BRIP1: variants seen among roughly 807,000 people sequenced by gnomAD.
The protein encoded by BRIP1 is BRCA1 interacting DNA helicase 1.
Under a neutral mutation model 119.7 loss-of-function variants are expected in BRIP1, and 88 were observed. The observed-to-expected ratio is 0.74, with a 90% CI of 0.62 to 0.88. The LOEUF (loss-of-function observed/expected upper bound fraction) is 0.88. Among genes scored for constraint, BRIP1 ranks in the 40% least tolerant of loss-of-function variants. The pLI, the probability that BRIP1 is intolerant of heterozygous loss-of-function variation, is 0.00. For missense variants in BRIP1, 1,259 were observed against 1,455.4 expected (o/e 0.87, Z 2.20); for synonymous variants, 443 against 496.5 (o/e 0.89, Z 1.43).
chr17:61,787,052 A>G (rs1365720112), intron 10 of BRIP1, among the ~76,000 whole-genome samples: 1 of 116,286 alleles, frequency 8.6e-6, no homozygotes, highest in Non-Finnish European at 1.6e-5. Context: ...AAATTTATAT[A>G]AATTTATAAA....
chr17:61,740,369 G>A lies in BRIP1; in HGVS notation c.2379+2644C>T, dbSNP rs115457155. Among the ~76,000 whole-genome samples, 329 of 152,272 alleles carry A rather than the reference G, an allele frequency of 2.2e-3. 3 individuals are homozygous for A. The highest frequency in any genetic ancestry group is 7.7e-3 in the African/African-American group (318 of 41,548). ...AGTTTCTGATTTGGCAGGTCTGGAT[G>A]AGCCTGAAAGTCTTTATTTCTATTA... On this transcript the variant is annotated intron_variant, in intron 16 of 19. Coordinates refer to ENST00000259008, the MANE Select transcript of BRIP1 (RefSeq NM_032043.3). This position sits in a 1 kb window ranked among gnomAD's most constrained non-coding sequence, Gnocchi z 5.4.
chr17:61,854,466 T>G (rs1259908671), intron 4 of BRIP1, among the ~76,000 whole-genome samples: 1 of 152,040 alleles, frequency 6.6e-6, no homozygotes, highest in African/African-American at 2.4e-5. Flanking sequence ...TAACACTTTG[T>G]GAGGCACAGA....
rs2077464786 is a variant in BRIP1, at chr17:61,772,207, A to G, written c.2097+4194T>C. Among the ~76,000 whole-genome samples the G allele has an allele frequency of 4.7e-5, 5 of 106,352 alleles. No homozygotes were observed. In the South Asian group the frequency reaches 1.7e-3, roughly 36 times the overall value. 69.8% of individuals were successfully genotyped at this position (106,352 alleles called of 152,430 possible). ...TATATATATATATATATATATATATATAAAATGAAATATTATTCTGCCATA... is the reference window on the plus strand; with the variant it reads ...TATATATATATATATATATATATATGTAAAATGAAATATTATTCTGCCATA... On this transcript the variant is annotated intron_variant, in intron 14 of 19. Transcript: ENST00000259008.
At chr17:61,821,502 T>G (rs1291561281) in intron 6 of BRIP1, among the ~76,000 whole-genome samples, 3 of 149,820 alleles carry the variant, frequency 2.0e-5, no homozygotes, top group Non-Finnish European at 4.5e-5. Flanking sequence ...TCTCTTTTTT[T>G]TTCTTGTATT....
rs2145236178 is a variant in BRIP1 at position 61,793,507 on chromosome 17, G to T, written c.1473+90C>A. Reference sequence around the variant, plus strand: ...TAAATTGCTATATTTAACAATTCTGGGTTACTCACTAGATTTAATCTGGAT... The same window carrying T: ...TAAATTGCTATATTTAACAATTCTGTGTTACTCACTAGATTTAATCTGGAT... On this transcript the variant is annotated intron_variant, in intron 10 of 19. Transcript: ENST00000259008. The surrounding 1 kb of genome is among the most constrained non-coding windows in gnomAD (Gnocchi z 5.2). 1 of 1,235,994 alleles carries T rather than the reference G, an allele frequency of 8.1e-7. No individual in the cohort carries two copies. Among genetic ancestry groups the T allele is most frequent in the Non-Finnish European group, 1.1e-6 (1 of 880,422 alleles). 76.6% of individuals were successfully genotyped at this position (1,235,994 alleles called of 1,614,324 possible). A position where few individuals can be genotyped will look rare whatever the true frequency, so the allele number is the denominator to read the frequency against.
rs1436927322 is a variant in BRIP1 at position 61,689,969 on chromosome 17, G to A, written c.2575+3461C>T. 6.6e-6 allele frequency among the ~76,000 whole-genome samples: 1 copy of A among 152,186 alleles called. No individual in the cohort carries two copies. Among genetic ancestry groups the A allele is most frequent in the East Asian group, 1.9e-4 (1 of 5,194 alleles). ...TGCAGTGAGTCATGATCATGCCACT[G>A]GACTCCTGCCTGGGTGGCAGAGTAA... On this transcript the variant is annotated intron_variant, in intron 18 of 19. Transcript: ENST00000259008. The surrounding 1 kb of genome is among the most constrained non-coding windows in gnomAD (Gnocchi z 4.5).
intron 6 of BRIP1, among the ~76,000 whole-genome samples, chr17:61,819,927 A>C (rs925318267): frequency 3.9e-5 from 6 of 152,130 alleles, no homozygotes; most frequent in African/African-American, 1.4e-4. Flanking sequence ...CAGGTGATGG[A>C]TACCTCATTT....
chr17:61,766,661 G>C (rs1176173132), intron 14 of BRIP1, among the ~76,000 whole-genome samples: 1 of 152,128 alleles, frequency 6.6e-6, no homozygotes, highest in Non-Finnish European at 1.5e-5. Context: ...ACTACAGCTA[G>C]AGAGTGAACA....
chr17:61,809,256 A>G lies in BRIP1; in HGVS notation c.628-499T>C, dbSNP rs1006704295. Among the ~76,000 whole-genome samples, 42 of 152,198 alleles carry G rather than the reference A, an allele frequency of 2.8e-4. No homozygotes were observed. The highest frequency in any genetic ancestry group is 1.0e-3 in the African/African-American group (42 of 41,470). ...AGAATTATCAAGTTGAATCTAAAGGATCACTTAACAACTTCAAAAAGAGAA... is the reference window on the plus strand; with the variant it reads ...AGAATTATCAAGTTGAATCTAAAGGGTCACTTAACAACTTCAAAAAGAGAA... On this transcript the variant is annotated intron_variant, in intron 6 of 19. Transcript: ENST00000259008. The surrounding 1 kb of genome is among the most constrained non-coding windows in gnomAD (Gnocchi z 5.2).
chr17:61,839,139 A>G (rs1383933031), intron 6 of BRIP1, among the ~76,000 whole-genome samples: 1 of 151,916 alleles, frequency 6.6e-6, no homozygotes, highest in Admixed American at 6.6e-5. Context: ...TCATATCCCC[A>G]TTATTTTTTC....
chr17:61,860,603 T>C lies in BRIP1; in HGVS notation c.94-696A>G, dbSNP rs1415195772. Among the ~76,000 whole-genome samples the C allele has an allele frequency of 6.6e-6, 1 of 152,136 alleles. No homozygotes were observed. Among genetic ancestry groups the C allele is most frequent in the East Asian group, 1.9e-4 (1 of 5,200 alleles). On this transcript the variant is annotated intron_variant, in intron 2 of 19. Coordinates refer to ENST00000259008, the MANE Select transcript of BRIP1 (RefSeq NM_032043.3). The surrounding 1 kb of genome is among the most constrained non-coding windows in gnomAD (Gnocchi z 4.1). ...TCAGCCTGGGAGGCAGGGGTTGCAG[T>C]GAGCCAAGATCGCGCCACTGCACTC...
At position 61,817,635 on chromosome 17, in the gene BRIP1, G is replaced by A. The variant is rs549496614; in HGVS notation, c.628-8878C>T. Among the ~76,000 whole-genome samples the A allele has an allele frequency of 1.6e-3, 243 of 152,272 alleles. 1 individual carries two copies. Among genetic ancestry groups the A allele is most frequent in the Non-Finnish European group, 2.3e-3 (158 of 68,016 alleles). ...CTATTCAATATATTTGGCATTAGCC[G>A]CATGGGCACTTGAAATGTAATTAGT... On this transcript the variant is annotated intron_variant, in intron 6 of 19. Coordinates refer to ENST00000259008, the MANE Select transcript of BRIP1 (RefSeq NM_032043.3).
At chr17:61,813,132 AC>A (rs2078187942) in intron 6 of BRIP1, among the ~76,000 whole-genome samples, 1 of 152,108 alleles carries the variant, frequency 6.6e-6, no homozygotes, top group African/African-American at 2.4e-5. Context: ...AAAGGAGACT[AC>A]AAATTGAATT....
Position 61,716,016 on chromosome 17 carries a change from A to G in BRIP1, c.2427T>C (p.Gly809=), listed in dbSNP as rs754927538. The change falls in exon 17 of 20, where the codon GGT becomes GGC. Residue 809 remains glycine, a synonymous_variant. Transcript: ENST00000259008. ...CATACCACTGACGGCCAGGTAGAAG[A>G]CCTCTCAATTTTGAATGGTGGTCAT... ...QYNDHHSKLR[G]LLPGRQWYEI... is the part of the protein sequence containing the mutation. 4 of 1,607,886 alleles carry G rather than the reference A, an allele frequency of 2.5e-6. No homozygotes were observed. The highest frequency in any genetic ancestry group is 2.2e-5 in the South Asian group (2 of 89,630).
chr17:61,799,394 C>A lies in BRIP1; in HGVS notation c.1141-95G>T. ...TCATTTTAAAATTCACACTATAGGC[C>A]AATATTGCAAATGCAATTACATAAG... On this transcript the variant is annotated intron_variant, in intron 8 of 19. Coordinates refer to ENST00000259008, the MANE Select transcript of BRIP1 (RefSeq NM_032043.3). This position sits in a 1 kb window ranked among gnomAD's most constrained non-coding sequence, Gnocchi z 5.1. 2.1e-6 allele frequency: 2 copies of A among 941,316 alleles called. No individual in the cohort carries two copies. Among genetic ancestry groups the A allele is most frequent in the Non-Finnish European group, 3.2e-6 (2 of 622,436 alleles). The allele number at this position is 941,316 out of a possible 1,614,324, so 58.3% of individuals were successfully genotyped here. A position where few individuals can be genotyped will look rare whatever the true frequency, so the allele number is the denominator to read the frequency against.
intron 11 of BRIP1, among the ~76,000 whole-genome samples, chr17:61,781,756 A>C (rs1040626609): frequency 3.3e-5 from 5 of 151,686 alleles, no homozygotes; most frequent in African/African-American, 1.2e-4. Context: ...CCCCGTCTCT[A>C]CTAAAAATAC....
chr17:61,736,065 C>T lies in BRIP1; in HGVS notation c.2379+6948G>A, dbSNP rs1203866208. Among the ~76,000 whole-genome samples the T allele has an allele frequency of 6.6e-6, 1 of 152,012 alleles. No individual in the cohort carries two copies. Among genetic ancestry groups the T allele is most frequent in the Non-Finnish European group, 1.5e-5 (1 of 68,002 alleles). On this transcript the variant is annotated intron_variant, in intron 16 of 19. Coordinates refer to ENST00000259008, the MANE Select transcript of BRIP1 (RefSeq NM_032043.3). The surrounding 1 kb of genome is among the most constrained non-coding windows in gnomAD (Gnocchi z 4.4). ...TACAGGCTGGGCATGATGGCTCACA[C>T]CTATAATCCCAGCACTTTGGGAGGC...
Position 61,720,400 on chromosome 17 carries a change from AAAAAT to A in BRIP1, c.2380-4342_2380-4338del, listed in dbSNP as rs945155481. Reference sequence around the variant, plus strand: ...ATGTACAATAATTATCTGTCAACTAAAAAATAAAATAAAGAGTAAACTTCTTGGAA... The same window carrying A: ...ATGTACAATAATTATCTGTCAACTAAAAAATAAAGAGTAAACTTCTTGGAA... On this transcript the variant is annotated intron_variant, in intron 16 of 19. Transcript: ENST00000259008. This position sits in a 1 kb window ranked among gnomAD's most constrained non-coding sequence, Gnocchi z 4.3. Among the ~76,000 whole-genome samples, 5 of 152,202 alleles carry A rather than the reference AAAAAT, an allele frequency of 3.3e-5. No individual in the cohort carries two copies. Among genetic ancestry groups the A allele is most frequent in the Non-Finnish European group, 5.9e-5 (4 of 68,036 alleles).
rs2145341704 is a variant in BRIP1, at chr17:61,801,447, C to T, written c.946G>A (p.Val316Ile). The change falls in exon 8 of 20, where the codon GTT becomes ATT. Residue 316 changes from valine (V) to isoleucine (I), a missense_variant. Transcript: ENST00000259008. ...GTGTGCTGATCACTAATTTTATGAA[C>T]TCCATGATAAAAATAGCAGGATTTT... ...NGKSCYFYHGVHKISDQHTLQ... is the reference protein window; with the variant it reads ...NGKSCYFYHGIHKISDQHTLQ... 6.2e-7 allele frequency: 1 copy of T among 1,613,148 alleles called. No individual in the cohort carries two copies. The highest frequency in any genetic ancestry group is 8.5e-7 in the Non-Finnish European group (1 of 1,179,252).
Sources: allele counts gnomAD v4.1 joint callset (sites outside exome capture counted in the v4.1 genomes callset), GRCh38; gene constraint gnomAD v4.1.1; non-coding constraint Gnocchi (gnomAD v3.1); transcripts MANE v1.5; gene names NCBI Gene and HGNC (gene_info 2026-07-23, HGNC 2026-07-21).